Variants in SEMA6D observed in about 807,000 individuals in gnomAD.
SEMA6D encodes semaphorin-6D.
Under a neutral mutation model 106.6 loss-of-function variants are expected in SEMA6D, and 35 were observed. The ratio of observed to expected loss-of-function variants is 0.33; its 90% confidence interval spans 0.25 to 0.44. The LOEUF (loss-of-function observed/expected upper bound fraction) is 0.44, where lower values mean the gene tolerates loss of function less well. SEMA6D is among the 20% of genes least tolerant of loss of function. The pLI, the probability that SEMA6D is intolerant of heterozygous loss-of-function variation, is 1.00. For missense variants in SEMA6D, 1,185 were observed against 1,345.9 expected, an observed-to-expected ratio of 0.88 and a Z score of 1.87; for synonymous variants, 499 against 487.7, an observed-to-expected ratio of 1.02 and a Z score of -0.31.
chr15:47,399,385 G>T (rs1488211766), intron 1 of SEMA6D: 1 of 152,168 alleles, frequency 6.6e-6, no homozygotes, highest in East Asian at 1.9e-4. Context: ...CCATCCTGCT[G>T]AATCTCTCCA....
chr15:47,297,713 G>A (rs2035860581), intron 1 of SEMA6D, among the ~76,000 whole-genome samples: 1 of 152,078 alleles, frequency 6.6e-6, no homozygotes, highest in African/African-American at 2.4e-5. Flanking sequence ...ACACTCTAAG[G>A]CTGACTAAAA....
At chr15:47,703,220 C>T (rs2078848652) in intron 4 of SEMA6D, among the ~76,000 whole-genome samples, 1 of 152,128 alleles carries the variant, frequency 6.6e-6, no homozygotes, top group Non-Finnish European at 1.5e-5. Flanking sequence ...TAATGTTACT[C>T]GAGCTAGCCC....
intron 1 of SEMA6D, among the ~76,000 whole-genome samples, chr15:47,279,723 G>A (rs976501510): frequency 6.6e-6 from 1 of 152,112 alleles, no homozygotes; most frequent in African/African-American, 2.4e-5. Flanking sequence ...TTTATTGAGA[G>A]TTTTTAGCAT....
At chr15:47,218,101 CT>C (rs2030836838) in intron 1 of SEMA6D, among the ~76,000 whole-genome samples, 1 of 151,980 alleles carries the variant, frequency 6.6e-6, no homozygotes, top group Non-Finnish European at 1.5e-5. Context: ...ATTAATTAAC[CT>C]TTTAGAGCTT....
chr15:47,224,920 G>A (rs542229728), intron 1 of SEMA6D, among the ~76,000 whole-genome samples: 49 of 152,020 alleles, frequency 3.2e-4, no homozygotes, highest in African/African-American at 1.0e-3. Flanking sequence ...GAGAATGGCA[G>A]AGGGAACCCT....
At chr15:47,737,610 CATT>C (rs2146916578) in intron 1 of SEMA6D, among the ~76,000 whole-genome samples, 1 of 152,008 alleles carries the variant, frequency 6.6e-6, no homozygotes, top group Non-Finnish European at 1.5e-5. Context: ...TACTGGTTTT[CATT>C]ATTATTATCT....
Position 47,198,027 on chromosome 15 carries a change from A to G in SEMA6D, c.-239+13609A>G, listed in dbSNP as rs138373003. ...GACACATGTAACATAATGCCCTCCA[A>G]CTTCATCTGAGTTGTTGCAAATTAC... On this transcript the variant is annotated intron_variant, in intron 1 of 19. Coordinates refer to the SEMA6D transcript ENST00000558014. Among the ~76,000 whole-genome samples the G allele has an allele frequency of 1.8e-4, 28 of 152,210 alleles. No individual in the cohort carries two copies. In the South Asian group the frequency reaches 1.9e-3, roughly 10 times the overall value.
chr15:47,245,461 G>A (rs2033147680), intron 1 of SEMA6D, among the ~76,000 whole-genome samples: 2 of 152,160 alleles, frequency 1.3e-5, no homozygotes, highest in South Asian at 2.1e-4. Context: ...TGATCTGTGG[G>A]CACAGTGAGG....
intron 3 of SEMA6D, among the ~76,000 whole-genome samples, chr15:47,514,910 ACT>A (rs2044340615): frequency 6.6e-6 from 1 of 151,942 alleles, no homozygotes. Context: ...AGTGGATATG[ACT>A]CTTCCTTTTC....
intron 3 of SEMA6D, among the ~76,000 whole-genome samples, chr15:47,574,669 C>T (rs1022768231): frequency 6.6e-6 from 1 of 152,202 alleles, no homozygotes; most frequent in African/African-American, 2.4e-5. Context: ...AATAATATTA[C>T]CAATTTAACC....
At chr15:47,291,301 A>G (rs1383169754) in intron 1 of SEMA6D, among the ~76,000 whole-genome samples, 2 of 152,196 alleles carry the variant, frequency 1.3e-5, no homozygotes, top group African/African-American at 4.8e-5. Flanking sequence ...TTGTAACTGG[A>G]GAAGAAACTT....
chr15:47,319,397 A>G (rs1276379029), intron 1 of SEMA6D, among the ~76,000 whole-genome samples: 2 of 152,124 alleles, frequency 1.3e-5, no homozygotes, highest in Admixed American at 1.3e-4. Flanking sequence ...GGACTTGGTA[A>G]ATGGACAGCT....
At chr15:47,271,453 T>C (rs1267839283) in intron 1 of SEMA6D, among the ~76,000 whole-genome samples, 1 of 152,136 alleles carries the variant, frequency 6.6e-6, no homozygotes, top group Non-Finnish European at 1.5e-5. Flanking sequence ...TTCTTAACCA[T>C]CTCTGTGTTT....
chr15:47,287,942 G>C (rs970375892), intron 1 of SEMA6D, among the ~76,000 whole-genome samples: 1 of 152,074 alleles, frequency 6.6e-6, no homozygotes, highest in Admixed American at 6.6e-5. Flanking sequence ...CATAATGGTG[G>C]AAGACAAAGG....
At chr15:47,489,002 G>A (rs1005809203) in intron 3 of SEMA6D, among the ~76,000 whole-genome samples, 2 of 152,132 alleles carry the variant, frequency 1.3e-5, no homozygotes. Flanking sequence ...CTTCTGCAAG[G>A]GAATATGAGC....
chr15:47,266,237 C>CT (rs1016151815), intron 1 of SEMA6D, among the ~76,000 whole-genome samples: 24 of 151,342 alleles, frequency 1.6e-4, no homozygotes, highest in African/African-American at 3.2e-4. Flanking sequence ...TTTGACTACA[C>CT]TTTTTTTTTC....
chr15:47,537,358 C>T (rs8040170), intron 3 of SEMA6D, among the ~76,000 whole-genome samples: 2 of 152,206 alleles, frequency 1.3e-5, no homozygotes, highest in East Asian at 1.9e-4. Flanking sequence ...AGTCAGGAAA[C>T]GTGGTAAATA....
At chr15:47,455,302 A>C (rs1254753820) in intron 2 of SEMA6D, among the ~76,000 whole-genome samples, 1 of 151,962 alleles carries the variant, frequency 6.6e-6, no homozygotes, top group Admixed American at 6.6e-5. Flanking sequence ...AGCATTAGAA[A>C]ATACAAGATT....
intron 4 of SEMA6D, among the ~76,000 whole-genome samples, chr15:47,696,735 C>T (rs891745054): frequency 6.6e-6 from 1 of 152,164 alleles, no homozygotes; most frequent in African/African-American, 2.4e-5. Flanking sequence ...CTAAATCACA[C>T]AGGCAGTGAC....
Sources: gnomAD v4.1 joint callset for allele counts (sites outside exome capture counted in the v4.1 genomes callset) on GRCh38, gnomAD v4.1.1 for gene constraint, MANE v1.5 for transcripts, NCBI Gene and HGNC (gene_info 2026-07-23, HGNC 2026-07-21) for gene names.